The following TP73 variants were observed in gnomAD, a reference collection of about 807,000 sequenced individuals.
TP73 encodes the protein p53-like transcription factor.
A neutral mutation model predicts 62.5 loss-of-function variants in TP73; 25 were observed. That is an observed-to-expected ratio of 0.40 (90% CI 0.29 to 0.56). TP73 has a LOEUF of 0.56. TP73 is among the 20% of genes least tolerant of loss of function. TP73 has a pLI of 0.46. For missense variants in TP73, 754 were observed against 913.3 expected, an observed-to-expected ratio of 0.83 and a Z score of 2.25; for synonymous variants, 423 against 377.5, an observed-to-expected ratio of 1.12 and a Z score of -1.40.
intron 4 of TP73, among the ~76,000 whole-genome samples, chr1:3,716,142 A>C (rs1356908201): frequency 6.6e-6 from 1 of 152,190 alleles, no homozygotes; most frequent in African/African-American, 2.4e-5. Context: ...GGGCTCTAGC[A>C]GGCCTCCGTC....
At chr1:3,673,239 G>T (rs1368799765) in intron 1 of TP73, among the ~76,000 whole-genome samples, 2 of 152,196 alleles carry the variant, frequency 1.3e-5, no homozygotes, top group Admixed American at 6.5e-5. Context: ...ACCATGAAAT[G>T]GAGAGGCACT....
Position 3,732,893 on chromosome 1 carries a change from G to A in TP73, c.1725G>A (p.Gly575=), listed in dbSNP as rs762311847. ...CCACCATCTCCATCGGCGGCTCAGG[G>A]GAACTGCAGCGCCAGCGGGTCATGG... ...NAATISIGGS[G]ELQRQRVMEA... Residue 575 remains glycine (G), a synonymous_variant, in exon 14 of 14, where the codon GGG becomes GGA. Transcript: ENST00000378295. The A allele has an allele frequency of 6.2e-7, 1 of 1,611,470 alleles. No homozygotes were observed. The highest frequency in any genetic ancestry group is 8.5e-7 in the Non-Finnish European group (1 of 1,179,650).
intron 3 of TP73, among the ~76,000 whole-genome samples, chr1:3,700,314 T>C (rs1019056736): frequency 5.9e-5 from 9 of 152,136 alleles, no homozygotes; most frequent in African/African-American, 2.2e-4. Flanking sequence ...AAAAAATACG[T>C]TCCGTTCTGG....
intron 3 of TP73, among the ~76,000 whole-genome samples, chr1:3,704,810 CAT>C (rs1442664755): frequency 6.6e-6 from 1 of 152,220 alleles, no homozygotes; most frequent in Non-Finnish European, 1.5e-5. Flanking sequence ...TCACCCCCAC[CAT>C]CACCCAACCT....
chr1:3,697,966 C>A, intron 3 of TP73: 2 of 491,028 alleles, frequency 4.1e-6, no homozygotes, highest in Non-Finnish European at 5.3e-6. Flanking sequence ...CCCGTGACTG[C>A]CTCCCCCTCC....
At chr1:3,713,894 C>T (rs1640370916) in intron 4 of TP73, among the ~76,000 whole-genome samples, 2 of 152,162 alleles carry the variant, frequency 1.3e-5, no homozygotes, top group South Asian at 4.1e-4. Context: ...GGCAGAAAGA[C>T]CCTTTTGGAG....
chr1:3,704,260 C>A (rs1230991594), intron 3 of TP73, among the ~76,000 whole-genome samples: 1 of 152,334 alleles, frequency 6.6e-6, no homozygotes, highest in Admixed American at 6.5e-5. Flanking sequence ...TGTATTCACC[C>A]GTAACTGTGA....
chr1:3,718,428 C>G (rs1314691689), intron 4 of TP73, among the ~76,000 whole-genome samples: 1 of 152,212 alleles, frequency 6.6e-6, no homozygotes, highest in African/African-American at 2.4e-5. Context: ...GTGGGGCGGG[C>G]TCAGCAGGGC....
intron 9 of TP73, among the ~76,000 whole-genome samples, chr1:3,728,478 T>C (rs551306716): frequency 1.3e-5 from 2 of 152,300 alleles, no homozygotes; most frequent in South Asian, 2.1e-4. Flanking sequence ...CATGTGTACA[T>C]AGCACAGGTA....
chr1:3,690,241 G>T (rs1645776734), intron 3 of TP73, among the ~76,000 whole-genome samples: 1 of 152,190 alleles, frequency 6.6e-6, no homozygotes, highest in Non-Finnish European at 1.5e-5. Flanking sequence ...GGGGTCTAGG[G>T]TCGAACCTCC....
chr1:3,715,735 A>G (rs1640540487), intron 4 of TP73, among the ~76,000 whole-genome samples: 1 of 152,002 alleles, frequency 6.6e-6, no homozygotes, highest in Non-Finnish European at 1.5e-5. Flanking sequence ...CTCCCCCAAC[A>G]CTAGGCCCCT....
chr1:3,715,702 T>C (rs1162085719), intron 4 of TP73, among the ~76,000 whole-genome samples: 7 of 152,138 alleles, frequency 4.6e-5, no homozygotes, highest in Admixed American at 4.6e-4. Flanking sequence ...GGCAGACACC[T>C]TGGGCAAACG....
intron 1 of TP73, among the ~76,000 whole-genome samples, chr1:3,665,075 C>T (rs1053694749): frequency 6.6e-6 from 1 of 152,218 alleles, no homozygotes; most frequent in African/African-American, 2.4e-5. Context: ...GCCACGCTCA[C>T]GATTCAGTGC....
intron 4 of TP73, among the ~76,000 whole-genome samples, chr1:3,721,467 C>A (rs890701796): frequency 1.3e-5 from 2 of 152,250 alleles, no homozygotes; most frequent in African/African-American, 4.8e-5. Flanking sequence ...CCATGAGAGG[C>A]CTTCACACCA....
At chr1:3,693,737 G>A (rs1179716937) in intron 3 of TP73, among the ~76,000 whole-genome samples, 3 of 140,210 alleles carry the variant, frequency 2.1e-5, no homozygotes, top group Non-Finnish European at 4.6e-5. Flanking sequence ...TCCCAGCCCT[G>A]CAGCCTCAGC....
At chr1:3,726,704 GGTGGGTGGATGGATGGGGTTC>G (rs1641657303) in intron 6 of TP73, among the ~76,000 whole-genome samples, 1 of 145,866 alleles carries the variant, frequency 6.9e-6, no homozygotes, top group Admixed American at 6.8e-5. Context: ...GGTTGGATGG[GGTGGGTGGATGGATGGGGTTC>G]GTGGATGGAT....
intron 1 of TP73, among the ~76,000 whole-genome samples, chr1:3,661,063 C>T (rs1644976957): frequency 6.6e-6 from 1 of 152,268 alleles, no homozygotes; most frequent in Middle Eastern, 3.4e-3. Context: ...TACAGTGCTT[C>T]CATGCAAATT....
At chr1:3,722,520 C>G (rs1641151926) in intron 5 of TP73, among the ~76,000 whole-genome samples, 1 of 152,218 alleles carries the variant, frequency 6.6e-6, no homozygotes. Context: ...CGGGCTACCC[C>G]AAGGATTAGC....
chr1:3,703,258 T>C (rs1397435746), intron 3 of TP73, among the ~76,000 whole-genome samples: 2 of 151,872 alleles, frequency 1.3e-5, no homozygotes, highest in Non-Finnish European at 2.9e-5. Flanking sequence ...GAGGACAGCG[T>C]CCCCTGGGCA....
Sources: allele counts gnomAD v4.1 joint callset (sites outside exome capture counted in the v4.1 genomes callset), GRCh38; gene constraint gnomAD v4.1.1; transcripts MANE v1.5; gene names NCBI Gene and HGNC (gene_info 2026-07-23, HGNC 2026-07-21).